AHCTF1: variants seen among roughly 807,000 people sequenced by gnomAD.
AHCTF1 encodes protein ELYS.
In AHCTF1, 24 loss-of-function variants were observed where a neutral mutation model predicts 248.4. The observed-to-expected ratio is 0.10, with a 90% CI of 0.07 to 0.14. AHCTF1 has a LOEUF of 0.14. Among genes scored for constraint, AHCTF1 ranks in the 10% least tolerant of loss-of-function variants. The probability of loss-of-function intolerance (pLI) is 1.00; values close to 1 mark genes in which losing one functional copy is unlikely to be tolerated. For missense variants in AHCTF1, 2,206 were observed against 2,636.2 expected, an observed-to-expected ratio of 0.84 and a Z score of 3.57; for synonymous variants, 786 against 929.8, an observed-to-expected ratio of 0.85 and a Z score of 2.81.
chr1:246,855,906 C>A, intron 30 of AHCTF1, 79 bp from the exon 31 acceptor site: 1 of 979,146 alleles, frequency 1.0e-6, no homozygotes, highest in Non-Finnish European at 1.5e-6. Flanking sequence ...ACCACCTAAC[C>A]TGTCATTTTG....
chr1:246,880,977 A>C (rs779796793), intron 21 of AHCTF1, among the ~76,000 whole-genome samples: 2 of 152,248 alleles, frequency 1.3e-5, no homozygotes, highest in Non-Finnish European at 2.9e-5. Flanking sequence ...GCAATACAGC[A>C]AAGACAGACT....
intron 18 of AHCTF1, 36 bp from the exon 19 acceptor site, chr1:246,888,269 T>C (rs778182882): frequency 3.1e-5 from 50 of 1,613,212 alleles, no homozygotes; most frequent in Non-Finnish European, 4.2e-5. Flanking sequence ...CAGTGGATCT[T>C]ATACAGTCAT....
intron 24 of AHCTF1, among the ~76,000 whole-genome samples, chr1:246,870,902 TA>T (rs1662546344): frequency 6.6e-6 from 1 of 152,166 alleles, no homozygotes; most frequent in South Asian, 2.1e-4. Flanking sequence ...AGCCTTTTTA[TA>T]AAAAGCTACA....
In AHCTF1 at chr1:246,902,818, C is replaced by T. The variant is rs575686912; in HGVS notation, c.967-143G>A. On this transcript the variant is annotated intron_variant, in intron 7 of 35. Transcript: ENST00000648844. ...GAAGAGAACCAATCATGGAAAAAGG[C>T]TCTAAAATTTTACATACTTTAAAAC... The T allele has an allele frequency of 7.9e-5, 60 of 759,762 alleles. No individual in the cohort carries two copies. The South Asian group carries it at 2.1e-3, about 27-fold the overall frequency. The allele number at this position is 759,762 out of a possible 1,614,324, so 47.1% of individuals were successfully genotyped here.
At chr1:246,918,761 G>A (rs1377062863) in intron 1 of AHCTF1, among the ~76,000 whole-genome samples, 1 of 152,202 alleles carries the variant, frequency 6.6e-6, no homozygotes, top group Non-Finnish European at 1.5e-5. Flanking sequence ...CATTCATTAA[G>A]CCAGACGTAC....
chr1:246,843,900 C>T lies in AHCTF1; in HGVS notation c.6420G>A (p.Leu2140=). Residue 2140 remains leucine, a synonymous_variant, in exon 34 of 36, where the codon CTG becomes CTA. Transcript: ENST00000648844. The part of the protein sequence containing the change: ...KAKKIEVPAQ[L]KELVSDLSSQ... ...AAGATAAATCCGAAACTAATTCTTT[C>T]AGCTGTGCAGGAACCTCTATTTTTT... is the stretch of plus-strand genomic sequence containing the variant. 1 of 1,492,590 alleles carries T rather than the reference C, an allele frequency of 6.7e-7. No homozygotes were observed. Among genetic ancestry groups the T allele is most frequent in the Non-Finnish European group, 8.9e-7 (1 of 1,121,380 alleles). 92.5% of individuals were successfully genotyped at this position (1,492,590 alleles called of 1,614,324 possible). A position where few individuals can be genotyped will look rare whatever the true frequency, so the allele number is the denominator to read the frequency against.
In AHCTF1 at chr1:246,867,763, C is replaced by A; in HGVS notation, c.3137G>T (p.Gly1046Val). The A allele has an allele frequency of 6.2e-7, 1 of 1,612,382 alleles. No homozygotes were observed. The highest frequency in any genetic ancestry group is 8.5e-7 in the Non-Finnish European group (1 of 1,179,076). The change falls in exon 25 of 36, where the codon GGA (glycine) becomes GTA (valine). Residue 1046 changes from glycine (G) to valine (V), a missense_variant. Transcript: ENST00000648844. ...GAAAACAGATCTTGTCAACACAGTT[C>A]CTGTTACAACTTGCTTTGGAACTGC... ...LSAVPKQVVTGTVLTRSVFIN... is the reference protein window; with the variant it reads ...LSAVPKQVVTVTVLTRSVFIN...
At chr1:246,865,083 T>C (rs1661868885) in intron 26 of AHCTF1, among the ~76,000 whole-genome samples, 1 of 152,184 alleles carries the variant, frequency 6.6e-6, no homozygotes, top group East Asian at 1.9e-4. Context: ...AAAGCTTAAT[T>C]TACAGATAAA....
intron 12 of AHCTF1, among the ~76,000 whole-genome samples, chr1:246,897,522 G>A (rs961353648): frequency 2.6e-5 from 4 of 152,130 alleles, no homozygotes; most frequent in Non-Finnish European, 4.4e-5. Flanking sequence ...TGGTAAGAGC[G>A]TACTTACACA....
intron 24 of AHCTF1, among the ~76,000 whole-genome samples, chr1:246,868,298 A>G (rs1011047212): frequency 6.6e-6 from 1 of 151,928 alleles, no homozygotes; most frequent in African/African-American, 2.4e-5. Context: ...TAATTTTTGT[A>G]TTCTAAAGTA....
At chr1:246,889,773 C>G (rs1407880075) in intron 17 of AHCTF1, among the ~76,000 whole-genome samples, 193 bp downstream of exon 17, 1 of 152,148 alleles carries the variant, frequency 6.6e-6, no homozygotes, top group South Asian at 2.1e-4. Context: ...ATTACCTTTA[C>G]TTCATTTCAA....
rs370291964 is a variant in AHCTF1, at chr1:246,913,278, T to C, written c.510A>G (p.Leu170=). The C allele has an allele frequency of 4.9e-5, 79 of 1,612,474 alleles. No homozygotes were observed. In the Admixed American group the frequency reaches 5.5e-4, roughly 11 times the overall value. The change falls in exon 4 of 36, where the codon CTA becomes CTG. Residue 170 remains leucine, a synonymous_variant. Coordinates refer to ENST00000648844, the MANE Select transcript of AHCTF1 (RefSeq NM_001323342.2). The stretch of plus-strand genomic sequence containing the variant: ...GATTGCATGACAAGTCATCCAAACA[T>C]AGGTCAACAAGAAGGATCTGTCCAA... ...TDVGQILLVD[L]CLDDLSCNQN...
intron 1 of AHCTF1, among the ~76,000 whole-genome samples, chr1:246,927,412 C>T (rs1316218466): frequency 1.3e-5 from 2 of 152,158 alleles, no homozygotes; most frequent in Non-Finnish European, 1.5e-5. Context: ...TCGCTTGAAC[C>T]GGGGAGGTGG....
In AHCTF1 at chr1:246,840,215, T is replaced by G. The variant is rs1374214883; in HGVS notation, c.*591A>C. 1 of 152,644 alleles carries G rather than the reference T, an allele frequency of 6.6e-6. No homozygotes were observed. The highest frequency in any genetic ancestry group is 1.5e-5 in the Non-Finnish European group (1 of 68,046). 9.5% of individuals were successfully genotyped at this position (152,644 alleles called of 1,614,324 possible). ...CGAATAAGAGATGCCAACATTATAG[T>G]TAACCAATACTTGGATTATTCATTT... On this transcript the variant is annotated 3_prime_UTR_variant, in exon 36 of 36. Coordinates refer to ENST00000648844, the MANE Select transcript of AHCTF1 (RefSeq NM_001323342.2).
intron 33 of AHCTF1, among the ~76,000 whole-genome samples, chr1:246,847,704 AT>A: frequency 6.6e-6 from 1 of 152,250 alleles, no homozygotes. Context: ...TTTTTTGGCC[AT>A]GTTGTTGCAG....
Position 246,852,598 on chromosome 1 carries a change from G to A in AHCTF1, c.4563+493C>T, listed in dbSNP as rs141859428. On this transcript the variant is annotated intron_variant, in intron 32 of 35. Transcript: ENST00000648844. ...ATTCTCCCACAAGGATGCATGGGGC[G>A]GGGGTGTCAATCCTGTGTAACTGTA... Among the ~76,000 whole-genome samples, 27 of 152,124 alleles carry A rather than the reference G, an allele frequency of 1.8e-4. No individual in the cohort carries two copies. The East Asian group carries it at 5.0e-3, about 28-fold the overall frequency.
At chr1:246,919,123 A>G (rs1666346234) in intron 1 of AHCTF1, among the ~76,000 whole-genome samples, 1 of 152,210 alleles carries the variant, frequency 6.6e-6, no homozygotes, top group Admixed American at 6.5e-5. Flanking sequence ...GATTTTAGCC[A>G]TCTGAGTTGG....
At chr1:246,906,565 G>A (rs185947811) in intron 5 of AHCTF1, among the ~76,000 whole-genome samples, 4 of 152,028 alleles carry the variant, frequency 2.6e-5, no homozygotes, top group Admixed American at 1.3e-4. Context: ...CTGGGCAACA[G>A]AGTGAGACCC....
Position 246,857,721 on chromosome 1 carries a change from G to T in AHCTF1, c.4226C>A (p.Ala1409Asp), listed in dbSNP as rs776758772. ...ATAGACTGATGGTGCACAAAGAGAAGCTTCAGTTCCTTGAACCGGGCTTAA... is the reference window on the plus strand; with the variant it reads ...ATAGACTGATGGTGCACAAAGAGAATCTTCAGTTCCTTGAACCGGGCTTAA... ...NHLSPVQGTE[A>D]SLCAPSVYEG... Residue 1409 changes from alanine to aspartate, a missense_variant, in exon 30 of 36, where the codon GCT becomes GAT. Transcript: ENST00000648844. 3.1e-6 allele frequency: 5 copies of T among 1,613,428 alleles called. No individual in the cohort carries two copies. In the African/African-American group the frequency reaches 6.7e-5, roughly 22 times the overall value.
Sources: allele counts gnomAD v4.1 joint callset (sites outside exome capture counted in the v4.1 genomes callset), GRCh38; gene constraint gnomAD v4.1.1; transcripts MANE v1.5; gene names NCBI Gene and HGNC (gene_info 2026-07-23, HGNC 2026-07-21).